Variants in FGF19 observed in about 807,000 individuals in gnomAD.
FGF19 encodes the protein fibroblast growth factor 19, also known as FGF-19.
Under a neutral mutation model 8.9 loss-of-function variants are expected in FGF19, and 5 were observed. That is an observed-to-expected ratio of 0.56 (90% CI 0.29 to 1.18). The LOEUF is 1.18. Among genes scored for constraint, FGF19 ranks in the 50% most tolerant of loss-of-function variants. FGF19 has a pLI of 0.08. For synonymous variants in FGF19, 124 were observed against 128.0 expected, an observed-to-expected ratio of 0.97 and a Z score of 0.21; for missense variants, 237 against 293.9, an observed-to-expected ratio of 0.81 and a Z score of 1.42.
In FGF19 at chr11:69,702,301, C is replaced by A. The variant is rs896177803; in HGVS notation, c.336+960G>T. On this transcript the variant is annotated intron_variant, in intron 2 of 2. Transcript: ENST00000294312. The surrounding 1 kb of genome is among the most constrained non-coding windows in gnomAD (Gnocchi z 4.6). ...TTTTGAGACTCTAAAATGCTTTGTC[C>A]CGCTGTTCACAAAGGAGCTGGTTGG... Among the ~76,000 whole-genome samples the A allele has an allele frequency of 1.3e-5, 2 of 152,172 alleles. No homozygotes were observed. Among genetic ancestry groups the A allele is most frequent in the Non-Finnish European group, 2.9e-5 (2 of 68,016 alleles).
In FGF19 at chr11:69,703,839, A is replaced by G; in HGVS notation, c.38T>C (p.Leu13Pro). 8.1e-7 allele frequency: 1 copy of G among 1,238,624 alleles called. No homozygotes were observed. The allele number at this position is 1,238,624 out of a possible 1,614,324, so 76.7% of individuals were successfully genotyped here. ...SGCVVVHVWI[L>P]AGLWLAVAGR... The stretch of plus-strand genomic sequence containing the variant: ...GGCCACGGCCAGCCAGAGGCCGGCC[A>G]GGATCCATACGTGGACCACCACACA... The change falls in exon 1 of 3, where the codon CTG becomes CCG. Residue 13 changes from leucine (L) to proline (P), a missense_variant. Leu to Pro is a moderately conservative substitution (Grantham distance 98). Coordinates refer to ENST00000294312, the MANE Select transcript of FGF19 (RefSeq NM_005117.3). This position sits in a 1 kb window ranked among gnomAD's most constrained non-coding sequence, Gnocchi z 6.8.
At chr11:69,701,535 G>A (rs1854771322) in intron 2 of FGF19, among the ~76,000 whole-genome samples, 1 of 151,078 alleles carries the variant, frequency 6.6e-6, no homozygotes, top group Admixed American at 6.6e-5. Context: ...CCCCGCAGGT[G>A]GAGGTTGCAG....
Position 69,703,195 on chromosome 11 carries a change from A to G in FGF19, c.336+66T>C. Reference sequence around the variant, plus strand: ...TCGAACCAGCGCCTTTCTCTCCTTCAGGCCTCCGCCCGGGGACAGGCGCCG... The same window carrying G: ...TCGAACCAGCGCCTTTCTCTCCTTCGGGCCTCCGCCCGGGGACAGGCGCCG... On this transcript the variant is annotated intron_variant, in intron 2 of 2. Coordinates refer to ENST00000294312, the MANE Select transcript of FGF19 (RefSeq NM_005117.3). This position sits in a 1 kb window ranked among gnomAD's most constrained non-coding sequence, Gnocchi z 6.8. The G allele has an allele frequency of 8.7e-7, 1 of 1,143,950 alleles. No individual in the cohort carries two copies. Among genetic ancestry groups the G allele is most frequent in the East Asian group, 2.6e-5 (1 of 37,936 alleles). The allele number at this position is 1,143,950 out of a possible 1,614,324, so 70.9% of individuals were successfully genotyped here.
At position 69,703,754 on chromosome 11, in the gene FGF19, G is replaced by A. The variant is rs1381071878; in HGVS notation, c.123C>T (p.Pro41=). Residue 41 remains proline, a synonymous_variant, in exon 1 of 3, where the codon CCC becomes CCT. Coordinates refer to ENST00000294312, the MANE Select transcript of FGF19 (RefSeq NM_005117.3). This position sits in a 1 kb window ranked among gnomAD's most constrained non-coding sequence, Gnocchi z 6.8. The part of the protein sequence containing the change: ...GPHVHYGWGD[P]IRLRHLYTSG... The stretch of plus-strand genomic sequence containing the variant: ...AGGTGTACAGGTGCCGCAGGCGGAT[G>A]GGGTCGCCCCAGCCGTAGTGCACGT... The A allele has an allele frequency of 6.5e-5, 80 of 1,233,924 alleles. No individual in the cohort carries two copies. The highest frequency in any genetic ancestry group is 3.0e-6 in the Non-Finnish European group (3 of 988,754). The allele number at this position is 1,233,924 out of a possible 1,614,324, so 76.4% of individuals were successfully genotyped here. A position where few individuals can be genotyped will look rare whatever the true frequency, so the allele number is the denominator to read the frequency against.
Position 69,703,330 on chromosome 11 carries a change from G to T in FGF19, c.267C>A (p.Thr89=). The T allele has an allele frequency of 1.9e-6, 3 of 1,610,604 alleles. No individual in the cohort carries two copies. Among genetic ancestry groups the T allele is most frequent in the East Asian group, 2.2e-5 (1 of 44,788 alleles). Residue 89 remains threonine, a synonymous_variant, in exon 2 of 3, where the codon ACC becomes ACA. Coordinates refer to ENST00000294312, the MANE Select transcript of FGF19 (RefSeq NM_005117.3). This position sits in a 1 kb window ranked among gnomAD's most constrained non-coding sequence, Gnocchi z 6.8. ...LLEIKAVALR[T]VAIKGVHSVR... ...CGCTGTGCACGCCCTTGATGGCCACGGTCCGCAGAGCGACTGCCTTGATCT... is the reference window on the plus strand; with the variant it reads ...CGCTGTGCACGCCCTTGATGGCCACTGTCCGCAGAGCGACTGCCTTGATCT...
Position 69,702,894 on chromosome 11 carries a change from C to G in FGF19, c.336+367G>C, listed in dbSNP as rs936847573. On this transcript the variant is annotated intron_variant, in intron 2 of 2. Transcript: ENST00000294312. The surrounding 1 kb of genome is among the most constrained non-coding windows in gnomAD (Gnocchi z 4.6). ...TATACTGGAGGGAGGGAAACGGAGG[C>G]GAGGACCACACACGCGCAGGCAGAG... is the stretch of plus-strand genomic sequence containing the variant. 6.6e-6 allele frequency among the ~76,000 whole-genome samples: 1 copy of G among 152,030 alleles called. No individual in the cohort carries two copies. The highest frequency in any genetic ancestry group is 2.4e-5 in the African/African-American group (1 of 41,370).
In FGF19 at chr11:69,702,043, G is replaced by C. The variant is rs993189993; in HGVS notation, c.336+1218C>G. The stretch of plus-strand genomic sequence containing the variant: ...CAACCCCCAATTTGGGCAGAATGGC[G>C]GGTTAGGTTGACGTCCCCTGCTGGC... On this transcript the variant is annotated intron_variant, in intron 2 of 2. Transcript: ENST00000294312. The surrounding 1 kb of genome is among the most constrained non-coding windows in gnomAD (Gnocchi z 4.6). Among the ~76,000 whole-genome samples, 1 of 150,204 alleles carries C rather than the reference G, an allele frequency of 6.7e-6. No individual in the cohort carries two copies. The highest frequency in any genetic ancestry group is 2.5e-5 in the African/African-American group (1 of 40,752).
At chr11:69,700,160 T>C (rs1488444781) in intron 2 of FGF19, among the ~76,000 whole-genome samples, 1 of 152,096 alleles carries the variant, frequency 6.6e-6, no homozygotes, top group African/African-American at 2.4e-5. Context: ...ATAAATGTAC[T>C]GTAAGTGTAA....
In FGF19 at chr11:69,703,586, G is replaced by T. The variant is rs868553800; in HGVS notation, c.232+59C>A. The T allele has an allele frequency of 1.1e-6, 1 of 893,234 alleles. No homozygotes were observed. The highest frequency in any genetic ancestry group is 1.5e-6 in the Non-Finnish European group (1 of 684,006). The allele number at this position is 893,234 out of a possible 1,614,324, so 55.3% of individuals were successfully genotyped here. On this transcript the variant is annotated intron_variant, in intron 1 of 2. Transcript: ENST00000294312. The surrounding 1 kb of genome is among the most constrained non-coding windows in gnomAD (Gnocchi z 6.8). ...GGAAGGAAGGGCGCTGGGGTGGGGCGCGCGCAGCGGGGTGGGGTGCGCGCG... is the reference window on the plus strand; with the variant it reads ...GGAAGGAAGGGCGCTGGGGTGGGGCTCGCGCAGCGGGGTGGGGTGCGCGCG...
chr11:69,703,202 C>T lies in FGF19; in HGVS notation c.336+59G>A. On this transcript the variant is annotated intron_variant, in intron 2 of 2. Coordinates refer to ENST00000294312, the MANE Select transcript of FGF19 (RefSeq NM_005117.3). The surrounding 1 kb of genome is among the most constrained non-coding windows in gnomAD (Gnocchi z 6.8). ...AGCGCCTTTCTCTCCTTCAGGCCTC[C>T]GCCCGGGGACAGGCGCCGGTCCCCC... The T allele has an allele frequency of 1.6e-6, 2 of 1,257,458 alleles. No homozygotes were observed. Among genetic ancestry groups the T allele is most frequent in the South Asian group, 1.4e-5 (1 of 73,972 alleles). The allele number at this position is 1,257,458 out of a possible 1,614,324, so 77.9% of individuals were successfully genotyped here.
chr11:69,701,688 C>T (rs902168064), intron 2 of FGF19, among the ~76,000 whole-genome samples: 3 of 149,696 alleles, frequency 2.0e-5, no homozygotes, highest in African/African-American at 7.4e-5. Context: ...GGGGGCTGGG[C>T]GCGGTGGCTC....
rs1313991261 is a variant in FGF19, at chr11:69,702,570, G to A, written c.336+691C>T. Among the ~76,000 whole-genome samples, 1 of 151,884 alleles carries A rather than the reference G, an allele frequency of 6.6e-6. No homozygotes were observed. Among genetic ancestry groups the A allele is most frequent in the Non-Finnish European group, 1.5e-5 (1 of 67,946 alleles). Reference sequence around the variant, plus strand: ...CCAGCGCTCGTACACTTCCGGCCCCGGGACCTCTGCGGTTACCTGGGCCTT... The same window carrying A: ...CCAGCGCTCGTACACTTCCGGCCCCAGGACCTCTGCGGTTACCTGGGCCTT... On this transcript the variant is annotated intron_variant, in intron 2 of 2. Coordinates refer to ENST00000294312, the MANE Select transcript of FGF19 (RefSeq NM_005117.3). The surrounding 1 kb of genome is among the most constrained non-coding windows in gnomAD (Gnocchi z 4.6).
At position 69,703,163 on chromosome 11, in the gene FGF19, C is replaced by T. The variant is rs569456600; in HGVS notation, c.336+98G>A. On this transcript the variant is annotated intron_variant, in intron 2 of 2. Transcript: ENST00000294312. The surrounding 1 kb of genome is among the most constrained non-coding windows in gnomAD (Gnocchi z 6.8). ...GTCTGGGCGGAGGAGGCGAGGAAAC[C>T]CTGGATTCGAACCAGCGCCTTTCTC... 3 of 787,844 alleles carry T rather than the reference C, an allele frequency of 3.8e-6. No individual in the cohort carries two copies. The highest frequency in any genetic ancestry group is 3.8e-4 in the Middle Eastern group (1 of 2,650). 48.8% of individuals were successfully genotyped at this position (787,844 alleles called of 1,614,324 possible).
At position 69,699,060 on chromosome 11, in the gene FGF19, C is replaced by T; in HGVS notation, c.*202G>A. Reference sequence around the variant, plus strand: ...AGGCAGCAGCTGGGCAAGCTACAGGCTTACAATGTTATGATCAGACAAGTC... The same window carrying T: ...AGGCAGCAGCTGGGCAAGCTACAGGTTTACAATGTTATGATCAGACAAGTC... On this transcript the variant is annotated 3_prime_UTR_variant, in exon 3 of 3. Transcript: ENST00000294312. 2 of 573,194 alleles carry T rather than the reference C, an allele frequency of 3.5e-6. No homozygotes were observed. The highest frequency in any genetic ancestry group is 6.2e-6 in the Non-Finnish European group (2 of 324,260). The allele number at this position is 573,194 out of a possible 1,614,324, so 35.5% of individuals were successfully genotyped here.
chr11:69,703,705 A>G lies in FGF19; in HGVS notation c.172T>C (p.Cys58Arg). 1 of 1,233,132 alleles carries G rather than the reference A, an allele frequency of 8.1e-7. No homozygotes were observed. Among genetic ancestry groups the G allele is most frequent in the Non-Finnish European group, 1.0e-6 (1 of 988,624 alleles). The allele number at this position is 1,233,132 out of a possible 1,614,324, so 76.4% of individuals were successfully genotyped here. A position where few individuals can be genotyped will look rare whatever the true frequency, so the allele number is the denominator to read the frequency against. ...YTSGPHGLSSCFLRIRADGVV... is the reference protein window; with the variant it reads ...YTSGPHGLSSRFLRIRADGVV... ...CCGTCGGCACGGATGCGCAGGAAGC[A>G]GCTGGAGAGCCCGTGGGGGCCGGAG... Residue 58 changes from cysteine to arginine, a missense_variant, in exon 1 of 3, where the codon TGC (cysteine) becomes CGC (arginine). Physicochemically the swap from Cys to Arg is radical, Grantham distance 180 (BLOSUM62 -3). Coordinates refer to ENST00000294312, the MANE Select transcript of FGF19 (RefSeq NM_005117.3). This position sits in a 1 kb window ranked among gnomAD's most constrained non-coding sequence, Gnocchi z 6.8.
At position 69,699,150 on chromosome 11, in the gene FGF19, TC is replaced by T; in HGVS notation, c.*111del. 1 of 745,500 alleles carries T rather than the reference TC, an allele frequency of 1.3e-6. No individual in the cohort carries two copies. The highest frequency in any genetic ancestry group is 2.1e-6 in the Non-Finnish European group (1 of 465,334). The allele number at this position is 745,500 out of a possible 1,614,324, so 46.2% of individuals were successfully genotyped here. A position where few individuals can be genotyped will look rare whatever the true frequency, so the allele number is the denominator to read the frequency against. ...ATATGTACAACTTCTAGATGTTTCT[TC>T]CTAAAGCTAAACAGAACGTGGACTC... On this transcript the variant is annotated 3_prime_UTR_variant, in exon 3 of 3. Transcript: ENST00000294312.
At chr11:69,700,348 A>G (rs1430860916) in intron 2 of FGF19, among the ~76,000 whole-genome samples, 1 of 152,146 alleles carries the variant, frequency 6.6e-6, no homozygotes, top group Non-Finnish European at 1.5e-5. Flanking sequence ...TATACACTCT[A>G]TATAGACCCA....
intron 2 of FGF19, among the ~76,000 whole-genome samples, chr11:69,700,088 CA>C (rs976908313): frequency 2.1e-5 from 3 of 144,988 alleles, no homozygotes; most frequent in African/African-American, 2.5e-5. Flanking sequence ...GACCCTGTCT[CA>C]AAAAAAAACA....
rs1226504919 is a variant in FGF19 at position 69,698,686 on chromosome 11, C to T, written c.*576G>A. 4 of 197,508 alleles carry T rather than the reference C, an allele frequency of 2.0e-5. No homozygotes were observed. In the East Asian group the frequency reaches 3.2e-4, roughly 16 times the overall value. 12.2% of individuals were successfully genotyped at this position (197,508 alleles called of 1,614,324 possible). Reference sequence around the variant, plus strand: ...AGGGCTGGAGTGGGGCTCCAGGCTTCCCCTACTCCTGAAGCCTGGTGGGCC... The same window carrying T: ...AGGGCTGGAGTGGGGCTCCAGGCTTTCCCTACTCCTGAAGCCTGGTGGGCC... On this transcript the variant is annotated 3_prime_UTR_variant, in exon 3 of 3. Transcript: ENST00000294312.
Sources: gnomAD v4.1 joint callset for allele counts (sites outside exome capture counted in the v4.1 genomes callset) on GRCh38, gnomAD v4.1.1 for gene constraint, Gnocchi (gnomAD v3.1) non-coding constraint, MANE v1.5 for transcripts, NCBI Gene and HGNC (gene_info 2026-07-23, HGNC 2026-07-21) for gene names.